WWTR1: variants seen among roughly 807,000 people sequenced by gnomAD.
WWTR1 encodes WW domain-containing transcription regulator protein 1.
Under a neutral mutation model 40.1 loss-of-function variants are expected in WWTR1, and 13 were observed. The observed-to-expected ratio is 0.32, with a 90% CI of 0.21 to 0.52. The LOEUF (loss-of-function observed/expected upper bound fraction) is 0.52, where lower values mean the gene tolerates loss of function less well. Ranked by LOEUF, WWTR1 falls within the 20% of genes least tolerant of loss-of-function variation. The pLI is 0.97. For synonymous variants in WWTR1, 230 were observed against 210.1 expected (o/e 1.09, Z -0.82); for missense variants, 436 against 523.1 (o/e 0.83, Z 1.63).
Position 149,572,562 on chromosome 3 carries a change from C to T in WWTR1, c.568+302G>A, listed in dbSNP as rs572109288. Among the ~76,000 whole-genome samples the T allele has an allele frequency of 4.6e-5, 7 of 152,218 alleles. No individual in the cohort carries two copies. In the East Asian group the frequency reaches 1.4e-3, roughly 29 times the overall value. ...AGAAAAAGCCGGCAGAAGGGTAACA[C>T]GGTATTGCAGCCAAGAAGAAGGAGC... is the stretch of plus-strand genomic sequence containing the variant. On this transcript the variant is annotated intron_variant, in intron 3 of 6. Transcript: ENST00000360632.
intron 2 of WWTR1, among the ~76,000 whole-genome samples, chr3:149,592,066 C>T (rs1199833588): frequency 1.3e-5 from 2 of 152,156 alleles, no homozygotes; most frequent in Non-Finnish European, 2.9e-5. Flanking sequence ...GGCAAGGTAA[C>T]CTCAATGATG....
At chr3:149,654,878 C>A (rs990499425) in intron 2 of WWTR1, among the ~76,000 whole-genome samples, 1 of 151,452 alleles carries the variant, frequency 6.6e-6, no homozygotes, top group Non-Finnish European at 1.5e-5. Flanking sequence ...AATTCCAGCA[C>A]TTTGGGAGGC....
chr3:149,723,368 A>G (rs1428368266), intron 4 of WWTR1, among the ~76,000 whole-genome samples: 1 of 151,656 alleles, frequency 6.6e-6, no homozygotes, highest in Non-Finnish European at 1.5e-5. Context: ...TTGTATTTTT[A>G]GTAGAGACGG....
At chr3:149,522,800 G>GTGGA (rs2107898025) in intron 6 of WWTR1, among the ~76,000 whole-genome samples, 1 of 152,202 alleles carries the variant, frequency 6.6e-6, no homozygotes, top group East Asian at 1.9e-4. Flanking sequence ...ACTTTGGGAG[G>GTGGA]CCGAGGTGGG....
intron 2 of WWTR1, among the ~76,000 whole-genome samples, chr3:149,595,464 T>C (rs1269589875): frequency 1.3e-5 from 2 of 152,128 alleles, no homozygotes; most frequent in Non-Finnish European, 2.9e-5. Flanking sequence ...TTTAAGTATT[T>C]AGGAGTAAAA....
At chr3:149,626,278 G>C (rs529282826) in intron 2 of WWTR1, among the ~76,000 whole-genome samples, 17 of 152,254 alleles carry the variant, frequency 1.1e-4, no homozygotes, top group Non-Finnish European at 1.9e-4. Flanking sequence ...TAATAACAGA[G>C]CCTTGAGAAA....
intron 2 of WWTR1, among the ~76,000 whole-genome samples, chr3:149,603,355 AATG>A (rs1459530254): frequency 6.6e-6 from 1 of 152,212 alleles, no homozygotes; most frequent in Non-Finnish European, 1.5e-5. Flanking sequence ...AGGGAATGCA[AATG>A]AAGACAGGCT....
chr3:149,681,920 A>G (rs759813092), intron 1 of WWTR1, among the ~76,000 whole-genome samples: 3 of 152,186 alleles, frequency 2.0e-5, no homozygotes, highest in Non-Finnish European at 4.4e-5. Flanking sequence ...GAGTTGCTAA[A>G]GTTTCAGTTA....
chr3:149,694,134 C>T (rs542209548), intron 1 of WWTR1, among the ~76,000 whole-genome samples: 2 of 152,318 alleles, frequency 1.3e-5, no homozygotes, highest in Non-Finnish European at 1.5e-5. Flanking sequence ...TGGCTCACGC[C>T]TATAATCCCA....
intron 2 of WWTR1, among the ~76,000 whole-genome samples, chr3:149,582,900 C>A (rs2108015573): frequency 6.6e-6 from 1 of 152,182 alleles, no homozygotes. Flanking sequence ...TTCTCACAAA[C>A]AAAAACATGG....
At chr3:149,609,196 C>T (rs530714136) in intron 2 of WWTR1, among the ~76,000 whole-genome samples, 17 of 152,336 alleles carry the variant, frequency 1.1e-4, no homozygotes, top group African/African-American at 3.8e-4. Context: ...CAGCTTTACA[C>T]TAACAGGGCA....
At chr3:149,630,073 T>C (rs955597404) in intron 2 of WWTR1, among the ~76,000 whole-genome samples, 5 of 152,136 alleles carry the variant, frequency 3.3e-5, no homozygotes, top group African/African-American at 1.2e-4. Context: ...CTCAAACTCC[T>C]GGGCTCAAGC....
chr3:149,574,416 G>T (rs887289811), intron 2 of WWTR1, among the ~76,000 whole-genome samples: 1 of 152,044 alleles, frequency 6.6e-6, no homozygotes, highest in Non-Finnish European at 1.5e-5. Context: ...CCTTTGTTTT[G>T]GGCCTCACAA....
intron 2 of WWTR1, among the ~76,000 whole-genome samples, chr3:149,663,767 G>A (rs538478740): frequency 1.3e-5 from 2 of 152,150 alleles, no homozygotes; most frequent in South Asian, 4.1e-4. Flanking sequence ...GTGACCTTTA[G>A]ATGATTTTGC....
intron 5 of WWTR1, among the ~76,000 whole-genome samples, chr3:149,716,101 C>G (rs1208965065): frequency 6.6e-6 from 1 of 151,988 alleles, no homozygotes; most frequent in Admixed American, 6.5e-5. Flanking sequence ...AATTGTTCTG[C>G]GCCTGGCGTG....
intron 1 of WWTR1, among the ~76,000 whole-genome samples, chr3:149,692,969 A>G (rs1714872380): frequency 6.6e-6 from 1 of 152,186 alleles, no homozygotes; most frequent in Non-Finnish European, 1.5e-5. Flanking sequence ...ATACTACTGG[A>G]AGTTCTAGCT....
At chr3:149,720,649 G>A (rs1328744483) in intron 4 of WWTR1, among the ~76,000 whole-genome samples, 21 of 149,340 alleles carry the variant, frequency 1.4e-4, no homozygotes, top group African/African-American at 4.9e-4. Context: ...TCCTATTTTT[G>A]CAAAAAAAAA....
intron 2 of WWTR1, among the ~76,000 whole-genome samples, chr3:149,635,285 G>T (rs1030290360): frequency 6.6e-6 from 1 of 152,166 alleles, no homozygotes; most frequent in African/African-American, 2.4e-5. Context: ...CCTTCAAAGT[G>T]ATGAAAGATT....
upstream of WWTR1, among the ~76,000 whole-genome samples, chr3:149,703,504 G>T (rs1054188017): frequency 1.1e-4 from 17 of 152,086 alleles, no homozygotes; most frequent in African/African-American, 4.1e-4. Context: ...TTAGATTTGG[G>T]ATTCTGGCAC....
Sources: allele counts gnomAD v4.1 joint callset (sites outside exome capture counted in the v4.1 genomes callset), GRCh38; gene constraint gnomAD v4.1.1; transcripts MANE v1.5; gene names NCBI Gene and HGNC (gene_info 2026-07-23, HGNC 2026-07-21).